The following RFTN1 variants were observed in gnomAD, a reference collection of about 807,000 sequenced individuals.
RFTN1 encodes the protein raftlin, lipid raft linker 1, also known as raftlin.
RFTN1 carries 26 observed loss-of-function variants against 46.5 expected under a neutral mutation model. The observed-to-expected ratio is 0.56, with a 90% CI of 0.41 to 0.78. RFTN1 has a LOEUF of 0.78. Ranked by LOEUF, RFTN1 falls within the 30% of genes least tolerant of loss-of-function variation. The pLI, the probability that RFTN1 is intolerant of heterozygous loss-of-function variation, is 0.00. For synonymous variants in RFTN1, 261 were observed against 284.2 expected (o/e 0.92, Z 0.82); for missense variants, 693 against 718.7 (o/e 0.96, Z 0.41).
chr3:16,375,562 AC>A (rs140341270), intron 5 of RFTN1, among the ~76,000 whole-genome samples: 3,456 of 152,078 alleles, frequency 0.023, 49 homozygotes, highest in Middle Eastern at 0.075. Context: ...TGTATGAAAA[AC>A]CCAAAAGCTC....
chr3:16,380,995 G>T lies in RFTN1; in HGVS notation c.442-2893C>A, dbSNP rs2073972986. ...GTTAATAAGCCCCTACACTGGTCCA[G>T]GCCAACACGGTGCTTAGGTACCAGG... is the stretch of plus-strand genomic sequence containing the variant. On this transcript the variant is annotated intron_variant, in intron 4 of 9. Coordinates refer to ENST00000334133, the MANE Select transcript of RFTN1 (RefSeq NM_015150.2). The surrounding 1 kb of genome is among the most constrained non-coding windows in gnomAD (Gnocchi z 4.8). 6.6e-6 allele frequency among the ~76,000 whole-genome samples: 1 copy of T among 152,184 alleles called. No homozygotes were observed. The highest frequency in any genetic ancestry group is 1.5e-5 in the Non-Finnish European group (1 of 68,046).
chr3:16,352,699 G>A lies in RFTN1; in HGVS notation c.1146+5233C>T, dbSNP rs554444434. Among the ~76,000 whole-genome samples, 21 of 152,144 alleles carry A rather than the reference G, an allele frequency of 1.4e-4. No homozygotes were observed. Among genetic ancestry groups the A allele is most frequent in the Admixed American group, 1.0e-3 (16 of 15,288 alleles). Reference sequence around the variant, plus strand: ...GACACAGAAAGCAGTATGTAGTGAGGGCTTACTATGTGCCCAGTCCTACAT... The same window carrying A: ...GACACAGAAAGCAGTATGTAGTGAGAGCTTACTATGTGCCCAGTCCTACAT... On this transcript the variant is annotated intron_variant, in intron 7 of 9. Coordinates refer to ENST00000334133, the MANE Select transcript of RFTN1 (RefSeq NM_015150.2). The surrounding 1 kb of genome is among the most constrained non-coding windows in gnomAD (Gnocchi z 4.6).
At chr3:16,365,291 T>TC (rs2073091152) in intron 6 of RFTN1, among the ~76,000 whole-genome samples, 1 of 152,180 alleles carries the variant, frequency 6.6e-6, no homozygotes, top group African/African-American at 2.4e-5. Context: ...ATCAGTGTTT[T>TC]CCCTCACCAC....
chr3:16,414,557 T>C (rs1329873341), intron 3 of RFTN1, among the ~76,000 whole-genome samples: 2 of 143,308 alleles, frequency 1.4e-5, no homozygotes, highest in African/African-American at 5.2e-5. Context: ...TGAGCCAAGA[T>C]CACACCACTG....
At chr3:16,391,325 T>C (rs180732731) in intron 4 of RFTN1, among the ~76,000 whole-genome samples, 27 of 152,354 alleles carry the variant, frequency 1.8e-4, no homozygotes, top group African/African-American at 6.5e-4. Flanking sequence ...ACTTGACTCT[T>C]TTGTCCAACT....
chr3:16,428,340 C>T lies in RFTN1; in HGVS notation c.332+5511G>A, dbSNP rs2125483956. On this transcript the variant is annotated intron_variant, in intron 3 of 9. Transcript: ENST00000334133. The surrounding 1 kb of genome is among the most constrained non-coding windows in gnomAD (Gnocchi z 4.7). ...CTATAAACCCAAACCAGCTTACCTC[C>T]CCTTGGGGTTCACTGTTGGAAAAGC... 6.6e-6 allele frequency among the ~76,000 whole-genome samples: 1 copy of T among 152,312 alleles called. No individual in the cohort carries two copies. The highest frequency in any genetic ancestry group is 1.9e-4 in the East Asian group (1 of 5,190).
intron 6 of RFTN1, among the ~76,000 whole-genome samples, chr3:16,364,944 G>C (rs1334995631): frequency 1.3e-5 from 2 of 152,192 alleles, no homozygotes; most frequent in African/African-American, 4.8e-5. Flanking sequence ...CTCTGTGCTG[G>C]TGACATGGGT....
intron 2 of RFTN1, chr3:16,472,228 T>TA (rs528584976): frequency 2.0e-3 from 290 of 145,816 alleles, no homozygotes; most frequent in Middle Eastern, 0.011. Flanking sequence ...ACTTTGTCTT[T>TA]AAAAAAAAAA....
At chr3:16,389,120 T>G (rs76894583) in intron 4 of RFTN1, among the ~76,000 whole-genome samples, 3,519 of 152,324 alleles carry the variant, frequency 0.023, 52 homozygotes, top group Middle Eastern at 0.061. Flanking sequence ...ATCCTCTGAT[T>G]TACATAGGCT....
rs1277452293 is a variant in RFTN1 at position 16,356,174 on chromosome 3, G to A, written c.1146+1758C>T. ...AAGTTGAGGAAGGACAGGGTCCTGA[G>A]AGGTGACAGGACCTGCCCACACTCG... is the stretch of plus-strand genomic sequence containing the variant. On this transcript the variant is annotated intron_variant, in intron 7 of 9. Transcript: ENST00000334133. The surrounding 1 kb of genome is among the most constrained non-coding windows in gnomAD (Gnocchi z 4.9). Among the ~76,000 whole-genome samples the A allele has an allele frequency of 6.6e-6, 1 of 152,208 alleles. No individual in the cohort carries two copies. The highest frequency in any genetic ancestry group is 1.9e-4 in the East Asian group (1 of 5,198).
chr3:16,391,888 T>TTTTTTTTTTTTTC (rs2074357424), intron 4 of RFTN1, among the ~76,000 whole-genome samples: 1 of 59,054 alleles, frequency 1.7e-5, no homozygotes, highest in African/African-American at 3.7e-5. Flanking sequence ...TTTTGTTTTT[T>TTTTTTTTTTTTTC]TTTTTGTTTT....
rs1053490460 is a variant in RFTN1 at position 16,370,403 on chromosome 3, T to C, written c.827-124A>G. 1.0e-5 allele frequency: 9 copies of C among 899,084 alleles called. No homozygotes were observed. The highest frequency in any genetic ancestry group is 1.4e-5 in the Non-Finnish European group (8 of 559,820). 55.7% of individuals were successfully genotyped at this position (899,084 alleles called of 1,614,324 possible). The stretch of plus-strand genomic sequence containing the variant: ...ATGATATGATGAATGCTGAAATCTC[T>C]GTGAGGCTGTATTGTTGCCAGATAA... On this transcript the variant is annotated intron_variant, in intron 5 of 9. Coordinates refer to ENST00000334133, the MANE Select transcript of RFTN1 (RefSeq NM_015150.2). The surrounding 1 kb of genome is among the most constrained non-coding windows in gnomAD (Gnocchi z 5.5).
chr3:16,433,768 AC>A lies in RFTN1; in HGVS notation c.332+82del. 6.9e-7 allele frequency: 1 copy of A among 1,454,042 alleles called. No individual in the cohort carries two copies. Among genetic ancestry groups the A allele is most frequent in the South Asian group, 1.1e-5 (1 of 87,264 alleles). The allele number at this position is 1,454,042 out of a possible 1,614,324, so 90.1% of individuals were successfully genotyped here. On this transcript the variant is annotated intron_variant, in intron 3 of 9. Transcript: ENST00000334133. The surrounding 1 kb of genome is among the most constrained non-coding windows in gnomAD (Gnocchi z 4.4). ...GACAGCATGCAAATTTCAACCCCCA[AC>A]CCCATCCTCTCACTTCCCCTCCTCT... is the stretch of plus-strand genomic sequence containing the variant.
At chr3:16,419,415 G>C (rs760446182) in intron 3 of RFTN1, among the ~76,000 whole-genome samples, 70 of 152,286 alleles carry the variant, frequency 4.6e-4, no homozygotes, top group African/African-American at 6.5e-4. Flanking sequence ...ATGTAGGAAG[G>C]GGGGAAGAAT....
intron 6 of RFTN1, among the ~76,000 whole-genome samples, chr3:16,359,161 G>T (rs1036348897): frequency 6.6e-6 from 1 of 152,130 alleles, no homozygotes; most frequent in Admixed American, 6.5e-5. Flanking sequence ...TTTGATAAGG[G>T]ATTTGGGGGA....
rs1489792602 is a variant in RFTN1 at position 16,458,968 on chromosome 3, C to G, written c.146-24931G>C. On this transcript the variant is annotated intron_variant, in intron 2 of 9. Coordinates refer to ENST00000334133, the MANE Select transcript of RFTN1 (RefSeq NM_015150.2). The surrounding 1 kb of genome is among the most constrained non-coding windows in gnomAD (Gnocchi z 5.1). Reference sequence around the variant, plus strand: ...TTCTTTTCCTTGAGACAGCGTCTCACTCTGTCACCAGGTTGGAGAGCAGTG... The same window carrying G: ...TTCTTTTCCTTGAGACAGCGTCTCAGTCTGTCACCAGGTTGGAGAGCAGTG... 6.6e-6 allele frequency among the ~76,000 whole-genome samples: 1 copy of G among 152,200 alleles called. No individual in the cohort carries two copies. Among genetic ancestry groups the G allele is most frequent in the Non-Finnish European group, 1.5e-5 (1 of 68,024 alleles).
In RFTN1 at chr3:16,513,650, G is replaced by C. The variant is rs1309616499; in HGVS notation, c.-217C>G. On this transcript the variant is annotated 5_prime_UTR_variant, in exon 1 of 10. Transcript: ENST00000334133. The surrounding 1 kb of genome is among the most constrained non-coding windows in gnomAD (Gnocchi z 5.4). ...CTGTCCCTCGCCGGAGCCCGCGGCC[G>C]CCGCGCTCTCGCTCGCTGCGCCCAG... The C allele has an allele frequency of 6.6e-6, 1 of 150,980 alleles. No homozygotes were observed. The highest frequency in any genetic ancestry group is 2.4e-5 in the African/African-American group (1 of 41,168). The allele number at this position is 150,980 out of a possible 1,614,324, so 9.4% of individuals were successfully genotyped here. A position where few individuals can be genotyped will look rare whatever the true frequency, so the allele number is the denominator to read the frequency against.
intron 4 of RFTN1, among the ~76,000 whole-genome samples, chr3:16,378,597 TG>T (rs2073873554): frequency 1.3e-5 from 2 of 152,232 alleles, no homozygotes; most frequent in Non-Finnish European, 2.9e-5. Flanking sequence ...GCTTCCTTTT[TG>T]GACAATAGTT....
At chr3:16,434,387 AACAAAC>A (rs751443952) in intron 2 of RFTN1, among the ~76,000 whole-genome samples, 3 of 132,822 alleles carry the variant, frequency 2.3e-5, no homozygotes, top group Non-Finnish European at 5.1e-5. Context: ...CAAACAAACA[AACAAAC>A]AAAAACAAAA....
Sources: gnomAD v4.1 joint callset for allele counts (sites outside exome capture counted in the v4.1 genomes callset) on GRCh38, gnomAD v4.1.1 for gene constraint, Gnocchi (gnomAD v3.1) non-coding constraint, MANE v1.5 for transcripts, NCBI Gene and HGNC (gene_info 2026-07-23, HGNC 2026-07-21) for gene names.